CACNB4: variants seen among roughly 807,000 people sequenced by gnomAD.
The protein encoded by CACNB4 is calcium voltage-gated channel auxiliary subunit beta 4.
Under a neutral mutation model 71.2 loss-of-function variants are expected in CACNB4, and 32 were observed. That is an observed-to-expected ratio of 0.45 (90% CI 0.34 to 0.60). The LOEUF is 0.60. CACNB4 is among the 20% of genes least tolerant of loss of function. The pLI, the probability that CACNB4 is intolerant of heterozygous loss-of-function variation, is 0.01. For synonymous variants in CACNB4, 231 were observed against 236.9 expected, an observed-to-expected ratio of 0.97 and a Z score of 0.23; for missense variants, 464 against 647.9, an observed-to-expected ratio of 0.72 and a Z score of 3.08.
At chr2:151,870,706 G>A (rs2099844407) in intron 7 of CACNB4, 95 bp from the exon 8 acceptor site, 3 of 1,287,266 alleles carry the variant, frequency 2.3e-6, no homozygotes, top group South Asian at 2.5e-5. Flanking sequence ...CAGGTTGAAC[G>A]ACAAATGATT....
Position 152,098,281 on chromosome 2 carries a change from C to A in CACNB4, c.147+49G>T. 2.0e-6 allele frequency: 3 copies of A among 1,489,204 alleles called. No individual in the cohort carries two copies. Among genetic ancestry groups the A allele is most frequent in the Non-Finnish European group, 1.9e-6 (2 of 1,067,462 alleles). The allele number at this position is 1,489,204 out of a possible 1,614,324, so 92.2% of individuals were successfully genotyped here. A position where few individuals can be genotyped will look rare whatever the true frequency, so the allele number is the denominator to read the frequency against. On this transcript the variant is annotated intron_variant, in intron 2 of 13. Coordinates refer to ENST00000539935, the MANE Select transcript of CACNB4 (RefSeq NM_000726.5). This position sits in a 1 kb window ranked among gnomAD's most constrained non-coding sequence, Gnocchi z 5.3. ...ACGGCCGGCTCCAGGACCCCCGCGC[C>A]GCGCGCTCGGCCTCCTCCCCATCCT...
intron 2 of CACNB4, among the ~76,000 whole-genome samples, chr2:151,932,926 T>C (rs887478254): frequency 2.0e-4 from 31 of 151,568 alleles, no homozygotes; most frequent in Non-Finnish European, 3.1e-4. Flanking sequence ...AACACCATTA[T>C]GCTGCCACAA....
intron 9 of CACNB4, among the ~76,000 whole-genome samples, chr2:151,862,937 A>C (rs2099842112): frequency 6.6e-6 from 1 of 152,186 alleles, no homozygotes; most frequent in Non-Finnish European, 1.5e-5. Context: ...TGAGAATTTA[A>C]ATCAAGTTGA....
At chr2:152,043,368 G>T (rs560110816) in intron 2 of CACNB4, among the ~76,000 whole-genome samples, 1 of 152,126 alleles carries the variant, frequency 6.6e-6, no homozygotes, top group East Asian at 1.9e-4. Flanking sequence ...TGTTATCTAG[G>T]CTGGAATGCA....
chr2:152,056,634 C>A (rs1048019178), intron 2 of CACNB4, among the ~76,000 whole-genome samples: 4 of 152,100 alleles, frequency 2.6e-5, no homozygotes, highest in Non-Finnish European at 5.9e-5. Context: ...GTGTGTGATG[C>A]CCTTGGCATT....
intron 2 of CACNB4, among the ~76,000 whole-genome samples, chr2:151,953,015 C>G (rs146217059): frequency 6.6e-6 from 1 of 152,066 alleles, no homozygotes; most frequent in Admixed American, 6.5e-5. Context: ...TATATGTTTA[C>G]GGAGAGGAAA....
intron 12 of CACNB4, among the ~76,000 whole-genome samples, chr2:151,842,509 T>G (rs1341215253): frequency 6.6e-6 from 1 of 151,620 alleles, no homozygotes; most frequent in East Asian, 1.9e-4. Context: ...TTTTTTGTAT[T>G]TTTTTTAGAA....
At chr2:151,924,023 T>C (rs965339112) in intron 2 of CACNB4, among the ~76,000 whole-genome samples, 2 of 151,022 alleles carry the variant, frequency 1.3e-5, no homozygotes, top group Admixed American at 1.3e-4. Flanking sequence ...CATAGATACA[T>C]GCATTTATAC....
intron 2 of CACNB4, among the ~76,000 whole-genome samples, chr2:151,918,415 G>A (rs1439946452): frequency 5.3e-5 from 8 of 152,110 alleles, no homozygotes; most frequent in South Asian, 2.1e-4. Flanking sequence ...GGGTGGCTCC[G>A]GAGACTCATT....
chr2:151,905,747 A>G (rs1291240005), intron 2 of CACNB4, among the ~76,000 whole-genome samples: 1 of 152,244 alleles, frequency 6.6e-6, no homozygotes, highest in African/African-American at 2.4e-5. Context: ...AGCTAAAGAG[A>G]TCAACCAGAA....
At chr2:152,042,750 A>G (rs2105252906) in intron 2 of CACNB4, among the ~76,000 whole-genome samples, 1 of 152,260 alleles carries the variant, frequency 6.6e-6, no homozygotes, top group South Asian at 2.1e-4. Flanking sequence ...TCCATCTTGA[A>G]TAGGAGCTGC....
chr2:151,972,242 C>T (rs1050603272), intron 2 of CACNB4: 4 of 152,280 alleles, frequency 2.6e-5, no homozygotes, highest in East Asian at 3.8e-4. Context: ...CAGTCCACTT[C>T]GGTGCAATTC....
At chr2:151,899,898 C>G (rs1159426407) in intron 2 of CACNB4, among the ~76,000 whole-genome samples, 1 of 152,108 alleles carries the variant, frequency 6.6e-6, no homozygotes, top group Non-Finnish European at 1.5e-5. Context: ...CCTAATAGGG[C>G]TGACAGCTAT....
Position 152,098,966 on chromosome 2 carries a change from G to A in CACNB4, c.46C>T (p.His16Tyr). The A allele has an allele frequency of 6.5e-7, 1 of 1,528,622 alleles. No homozygotes were observed. Among genetic ancestry groups the A allele is most frequent in the East Asian group, 2.5e-5 (1 of 40,316 alleles). 94.7% of individuals were successfully genotyped at this position (1,528,622 alleles called of 1,614,324 possible). ...YAKNGTADGP[H>Y]SPTSQVARGT... The stretch of plus-strand genomic sequence containing the variant: ...GGCGGTACCTGCGAGGTGGGGGAGT[G>A]CGGCCCGTCCGCGGTCCCGTTCTTG... Residue 16 changes from histidine to tyrosine, a missense_variant, in exon 1 of 14, where the codon CAC (histidine) becomes TAC (tyrosine). Physicochemically the swap from His to Tyr is moderately conservative, Grantham distance 83 (BLOSUM62 2). Coordinates refer to ENST00000539935, the MANE Select transcript of CACNB4 (RefSeq NM_000726.5). This position sits in a 1 kb window ranked among gnomAD's most constrained non-coding sequence, Gnocchi z 5.3.
intron 9 of CACNB4, among the ~76,000 whole-genome samples, chr2:151,862,330 C>G (rs770620237): frequency 2.6e-5 from 4 of 152,178 alleles, no homozygotes; most frequent in Non-Finnish European, 5.9e-5. Context: ...GGTTGGAAAT[C>G]ATTCTTTAAA....
At chr2:151,920,748 T>A (rs1173205124) in intron 2 of CACNB4, among the ~76,000 whole-genome samples, 1 of 152,080 alleles carries the variant, frequency 6.6e-6, no homozygotes, top group Non-Finnish European at 1.5e-5. Flanking sequence ...GTGATCAGGA[T>A]CATAATTGAC....
intron 2 of CACNB4, among the ~76,000 whole-genome samples, chr2:152,065,930 G>A (rs975209269): frequency 6.6e-6 from 1 of 152,068 alleles, no homozygotes; most frequent in Non-Finnish European, 1.5e-5. Context: ...TATTTTTAAA[G>A]TAACACTATT....
At chr2:152,079,594 T>G in intron 2 of CACNB4, among the ~76,000 whole-genome samples, 1 of 151,868 alleles carries the variant, frequency 6.6e-6, no homozygotes, top group Non-Finnish European at 1.5e-5. Flanking sequence ...GAGACCAGCC[T>G]GGGCAACATA....
chr2:152,012,311 T>C (rs996995693), intron 2 of CACNB4, among the ~76,000 whole-genome samples: 2 of 152,084 alleles, frequency 1.3e-5, no homozygotes, highest in African/African-American at 4.8e-5. Context: ...GCTTGTGTGT[T>C]AGTTTTTAAT....
Sources: allele counts gnomAD v4.1 joint callset (sites outside exome capture counted in the v4.1 genomes callset), GRCh38; gene constraint gnomAD v4.1.1; non-coding constraint Gnocchi (gnomAD v3.1); transcripts MANE v1.5; gene names NCBI Gene and HGNC (gene_info 2026-07-23, HGNC 2026-07-21).